Variants in CD2AP observed in about 807,000 individuals in gnomAD.
CD2AP encodes the protein CD2 associated protein.
CD2AP carries 46 observed loss-of-function variants against 85.1 expected under a neutral mutation model. That is an observed-to-expected ratio of 0.54 (90% CI 0.43 to 0.69). The LOEUF (loss-of-function observed/expected upper bound fraction) is 0.69. Among genes scored for constraint, CD2AP ranks in the 30% least tolerant of loss-of-function variants. The pLI is 0.00. For missense variants in CD2AP, 769 were observed against 729.5 expected, an observed-to-expected ratio of 1.05 and a Z score of -0.62; for synonymous variants, 255 against 252.9, an observed-to-expected ratio of 1.01 and a Z score of -0.08.
intron 1 of CD2AP, among the ~76,000 whole-genome samples, chr6:47,502,550 G>A (rs1031763565): frequency 1.3e-5 from 2 of 148,764 alleles, no homozygotes; most frequent in African/African-American, 5.0e-5. Flanking sequence ...CTGGAGTGCA[G>A]TAGCACGTTC....
chr6:47,585,416 T>C (rs111810815), intron 11 of CD2AP, among the ~76,000 whole-genome samples: 11 of 151,820 alleles, frequency 7.2e-5, no homozygotes, highest in African/African-American at 1.9e-4. Context: ...AACTGGAAAA[T>C]TGGACAAAAT....
At chr6:47,608,302 A>G (rs1056980985) in intron 15 of CD2AP, among the ~76,000 whole-genome samples, 1 of 152,190 alleles carries the variant, frequency 6.6e-6, no homozygotes, top group Non-Finnish European at 1.5e-5. Flanking sequence ...TCCATTAAAC[A>G]TACATTCTTA....
chr6:47,579,021 G>A (rs1423030642), intron 8 of CD2AP, among the ~76,000 whole-genome samples: 1 of 152,080 alleles, frequency 6.6e-6, no homozygotes, highest in Non-Finnish European at 1.5e-5. Flanking sequence ...TTTTAAAATT[G>A]ATATAGTTTT....
At chr6:47,563,790 C>A (rs1767923599) in intron 5 of CD2AP, among the ~76,000 whole-genome samples, 1 of 152,080 alleles carries the variant, frequency 6.6e-6, no homozygotes. Context: ...ACTTGGGATG[C>A]CCAGTTGCCT....
intron 17 of CD2AP, among the ~76,000 whole-genome samples, chr6:47,615,138 G>A (rs1315339286): frequency 2.6e-5 from 4 of 152,148 alleles, no homozygotes. Flanking sequence ...TGTAGAACAA[G>A]AGAGAATTGG....
chr6:47,485,095 A>G (rs1765534424), intron 1 of CD2AP, among the ~76,000 whole-genome samples: 2 of 152,232 alleles, frequency 1.3e-5, no homozygotes, highest in Admixed American at 1.3e-4. Flanking sequence ...TATGTAGTAC[A>G]TATATTGATA....
intron 17 of CD2AP, among the ~76,000 whole-genome samples, chr6:47,613,304 C>T (rs1284141186): frequency 1.3e-5 from 2 of 152,158 alleles, no homozygotes; most frequent in African/African-American, 2.4e-5. Context: ...AGAGGAATCA[C>T]TATCTATGGC....
intron 1 of CD2AP, among the ~76,000 whole-genome samples, chr6:47,499,472 T>C (rs1260223773): frequency 6.6e-6 from 1 of 152,188 alleles, no homozygotes; most frequent in Non-Finnish European, 1.5e-5. Context: ...TTTCCATATA[T>C]GCTTGTAACT....
chr6:47,614,066 A>T (rs1324764497), intron 17 of CD2AP, among the ~76,000 whole-genome samples: 1 of 152,234 alleles, frequency 6.6e-6, no homozygotes, highest in Non-Finnish European at 1.5e-5. Flanking sequence ...GCTTTGGCTT[A>T]AGGAAATGTT....
At chr6:47,527,364 A>T (rs2114015691) in intron 2 of CD2AP, among the ~76,000 whole-genome samples, 1 of 152,324 alleles carries the variant, frequency 6.6e-6, no homozygotes, top group South Asian at 2.1e-4. Context: ...CTAGGCTGTA[A>T]ATTTCTTATA....
chr6:47,586,886 A>AT (rs977894558), intron 11 of CD2AP, among the ~76,000 whole-genome samples: 7 of 152,118 alleles, frequency 4.6e-5, no homozygotes, highest in African/African-American at 1.7e-4. Context: ...AGATATGAGA[A>AT]TTTTTTTGTA....
chr6:47,494,073 C>T (rs752899858), intron 1 of CD2AP, among the ~76,000 whole-genome samples: 126 of 152,252 alleles, frequency 8.3e-4, no homozygotes, highest in Non-Finnish European at 1.1e-3. Flanking sequence ...CAGATGCTTG[C>T]TTTGTCTCTT....
intron 5 of CD2AP, among the ~76,000 whole-genome samples, chr6:47,556,164 G>A (rs192623727): frequency 1.3e-5 from 2 of 149,556 alleles, no homozygotes; most frequent in African/African-American, 4.9e-5. Context: ...CTATCAACCC[G>A]TCATCTACAT....
At chr6:47,479,150 C>A (rs1273283807) in intron 1 of CD2AP, among the ~76,000 whole-genome samples, 1 of 152,144 alleles carries the variant, frequency 6.6e-6, no homozygotes, top group Non-Finnish European at 1.5e-5. Flanking sequence ...AAACAAAACA[C>A]CCTGTGTCTC....
Position 47,482,464 on chromosome 6 carries a change from C to T in CD2AP, c.4+4216C>T, listed in dbSNP as rs1156457454. Among the ~76,000 whole-genome samples, 3 of 151,108 alleles carry T rather than the reference C, an allele frequency of 2.0e-5. No homozygotes were observed. The East Asian group carries it at 5.8e-4, about 29-fold the overall frequency. ...CGCGATCTCGGCTCACTGCAACCTCCGCCTCCCGGGTTCAAGCAAGTCTCC... is the reference window on the plus strand; with the variant it reads ...CGCGATCTCGGCTCACTGCAACCTCTGCCTCCCGGGTTCAAGCAAGTCTCC... On this transcript the variant is annotated intron_variant, in intron 1 of 17. Transcript: ENST00000359314.
chr6:47,565,172 T>G (rs1233118896), intron 5 of CD2AP, among the ~76,000 whole-genome samples: 1 of 152,152 alleles, frequency 6.6e-6, no homozygotes, highest in African/African-American at 2.4e-5. Flanking sequence ...AATGCCACCA[T>G]TATGTTTTCT....
chr6:47,534,170 A>G (rs529500778), intron 3 of CD2AP, among the ~76,000 whole-genome samples: 3 of 152,198 alleles, frequency 2.0e-5, no homozygotes, highest in African/African-American at 7.2e-5. Flanking sequence ...TGGCCTTGCA[A>G]ATTACCTTGT....
In CD2AP at chr6:47,609,271, T is replaced by C; in HGVS notation, c.1781T>C (p.Leu594Ser). ...CTTAGAGCCCAGATTATTGAATTGT[T>C]GTGCATTGTAGAAGCACTGAAAAAG... is the stretch of plus-strand genomic sequence containing the variant. ...DELRAQIIELLCIVEALKKDH... is the reference protein window; with the variant it reads ...DELRAQIIELSCIVEALKKDH... Residue 594 changes from leucine (L) to serine (S), a missense_variant, in exon 16 of 18, where the codon TTG (leucine) becomes TCG (serine). Physicochemically the swap from Leu to Ser is moderately radical, Grantham distance 145. Coordinates refer to ENST00000359314, the MANE Select transcript of CD2AP (RefSeq NM_012120.3). 1 of 1,613,718 alleles carries C rather than the reference T, an allele frequency of 6.2e-7. No individual in the cohort carries two copies. Among genetic ancestry groups the C allele is most frequent in the Admixed American group, 1.7e-5 (1 of 60,004 alleles).
At chr6:47,563,677 G>A (rs1364350545) in intron 5 of CD2AP, among the ~76,000 whole-genome samples, 1 of 152,134 alleles carries the variant, frequency 6.6e-6, no homozygotes, top group Non-Finnish European at 1.5e-5. Flanking sequence ...TTTCAAAGGA[G>A]TTAATTTACT....
Sources: allele counts gnomAD v4.1 joint callset (sites outside exome capture counted in the v4.1 genomes callset), GRCh38; gene constraint gnomAD v4.1.1; transcripts MANE v1.5; gene names NCBI Gene and HGNC (gene_info 2026-07-23, HGNC 2026-07-21).